PRR5L: variants seen among roughly 807,000 people sequenced by gnomAD.
PRR5L encodes proline rich 5 like, also known as proline-rich protein 5-like.
Under a neutral mutation model 36.4 loss-of-function variants are expected in PRR5L, and 21 were observed. The observed-to-expected ratio is 0.58, with a 90% CI of 0.41 to 0.83. The LOEUF (loss-of-function observed/expected upper bound fraction) is 0.83, where lower values mean the gene tolerates loss of function less well. PRR5L is among the 40% of genes least tolerant of loss of function. The pLI, the probability that PRR5L is intolerant of heterozygous loss-of-function variation, is 0.00. For missense variants in PRR5L, 381 were observed against 473.3 expected, an observed-to-expected ratio of 0.80 and a Z score of 1.81; for synonymous variants, 188 against 197.0, an observed-to-expected ratio of 0.95 and a Z score of 0.38.
At chr11:36,457,601 G>A (rs1157328346) in intron 8 of PRR5L, among the ~76,000 whole-genome samples, 5 of 80,334 alleles carry the variant, frequency 6.2e-5, no homozygotes, top group African/African-American at 9.6e-5. Context: ...GTGAGACTCC[G>A]TCTCAAAAAA....
At chr11:36,340,970 A>G (rs567016300) in intron 1 of PRR5L, among the ~76,000 whole-genome samples, 2 of 152,314 alleles carry the variant, frequency 1.3e-5, no homozygotes, top group Admixed American at 1.3e-4. Flanking sequence ...AGAGGGAATT[A>G]ATTAATTCTA....
At chr11:36,431,728 C>T (rs1466670517) in intron 4 of PRR5L, 125 bp from the exon 5 acceptor site, 104 of 808,882 alleles carry the variant, frequency 1.3e-4, no homozygotes, top group Non-Finnish European at 1.8e-5. Flanking sequence ...TTCTTAAACT[C>T]CGAGGCACGG....
chr11:36,376,253 T>C (rs1857256656), intron 1 of PRR5L: 2 of 1,179,792 alleles, frequency 1.7e-6, no homozygotes, highest in African/African-American at 1.6e-5. Flanking sequence ...TTGGGGGACA[T>C]TGGAGAGACA....
chr11:36,386,790 C>A (rs385986), intron 1 of PRR5L, among the ~76,000 whole-genome samples: 1 of 152,082 alleles, frequency 6.6e-6, no homozygotes, highest in Non-Finnish European at 1.5e-5. Flanking sequence ...AACCTACCTC[C>A]TTGGTTTAGA....
intron 1 of PRR5L, among the ~76,000 whole-genome samples, chr11:36,298,163 C>G (rs1421997949): frequency 6.6e-6 from 1 of 152,140 alleles, no homozygotes; most frequent in Non-Finnish European, 1.5e-5. Flanking sequence ...TTTGCTGGGA[C>G]TGCCATGACA....
chr11:36,393,005 T>G (rs1384120486), intron 1 of PRR5L, among the ~76,000 whole-genome samples: 1 of 152,240 alleles, frequency 6.6e-6, no homozygotes. Context: ...TCAGGTATTT[T>G]GGCCATTTTA....
intron 1 of PRR5L, chr11:36,376,586 C>T: frequency 1.0e-6 from 1 of 989,660 alleles, no homozygotes; most frequent in Non-Finnish European, 1.2e-6. Flanking sequence ...CATTTCTCTC[C>T]GGTGAGAAAA....
intron 1 of PRR5L, among the ~76,000 whole-genome samples, chr11:36,319,797 A>G (rs539607979): frequency 7.9e-5 from 12 of 152,084 alleles, no homozygotes; most frequent in Non-Finnish European, 1.0e-4. Flanking sequence ...ATCGATTCCA[A>G]ATTCCTTGGG....
intron 1 of PRR5L, among the ~76,000 whole-genome samples, chr11:36,350,926 A>G (rs1374991323): frequency 2.3e-5 from 1 of 42,728 alleles, no homozygotes; most frequent in African/African-American, 1.2e-4. Flanking sequence ...ATATTTATAT[A>G]TATTTATATA....
At chr11:36,302,655 C>A (rs762090207) in intron 1 of PRR5L, among the ~76,000 whole-genome samples, 8 of 152,090 alleles carry the variant, frequency 5.3e-5, no homozygotes, top group African/African-American at 7.2e-5. Flanking sequence ...GGCATGGTGG[C>A]GGGCACCTGT....
At chr11:36,307,035 T>C (rs1243838158) in intron 1 of PRR5L, among the ~76,000 whole-genome samples, 1 of 152,108 alleles carries the variant, frequency 6.6e-6, no homozygotes. Context: ...CCCTTCCCAT[T>C]GTGATGGTTT....
At chr11:36,429,245 TTC>T (rs1387344992) in intron 4 of PRR5L, among the ~76,000 whole-genome samples, 21 of 152,196 alleles carry the variant, frequency 1.4e-4, no homozygotes, top group Admixed American at 3.3e-4. Flanking sequence ...CTTTAAAATA[TTC>T]TGTCTTTTAT....
intron 5 of PRR5L, 87 bp downstream of exon 5, chr11:36,431,997 G>C: frequency 2.5e-6 from 3 of 1,191,002 alleles, no homozygotes; most frequent in South Asian, 1.2e-5. Flanking sequence ...GTCCAGAAGG[G>C]GCAGGCTCCA....
At chr11:36,337,672 C>T (rs12419407) in intron 1 of PRR5L, among the ~76,000 whole-genome samples, 7,350 of 152,270 alleles carry the variant, frequency 0.048, 201 homozygotes, top group African/African-American at 0.076. Context: ...CCTTCCTGCA[C>T]AGTTGCTGCC....
intron 3 of PRR5L, among the ~76,000 whole-genome samples, chr11:36,404,428 T>C (rs577829963): frequency 6.6e-6 from 1 of 152,112 alleles, no homozygotes; most frequent in African/African-American, 2.4e-5. Context: ...CCACCATGCC[T>C]GGCTAATTTT....
chr11:36,338,605 A>G (rs2133478263), intron 1 of PRR5L, among the ~76,000 whole-genome samples: 1 of 152,314 alleles, frequency 6.6e-6, no homozygotes, highest in East Asian at 1.9e-4. Flanking sequence ...CCCTGACGGC[A>G]GGATCCCCTT....
At chr11:36,398,015 G>A (rs548940446) in intron 1 of PRR5L, among the ~76,000 whole-genome samples, 31 of 152,112 alleles carry the variant, frequency 2.0e-4, no homozygotes, top group African/African-American at 7.0e-4. Flanking sequence ...GGCTGGTCTC[G>A]AACTCCTGAC....
intron 1 of PRR5L, among the ~76,000 whole-genome samples, chr11:36,307,999 T>C (rs1469267470): frequency 6.6e-6 from 1 of 152,212 alleles, no homozygotes; most frequent in African/African-American, 2.4e-5. Flanking sequence ...GTCACTTACC[T>C]ACTTGGGAAC....
In PRR5L at chr11:36,377,994, C is replaced by G. The variant is rs766157477; in HGVS notation, c.-125-23003C>G. Reference sequence around the variant, plus strand: ...GGCCCAATGTACTGCCTTCATCCCCCACCATCCTCAAGGGACCCTTGCTGA... The same window carrying G: ...GGCCCAATGTACTGCCTTCATCCCCGACCATCCTCAAGGGACCCTTGCTGA... On this transcript the variant is annotated intron_variant, in intron 1 of 8. Transcript: ENST00000530639. The surrounding 1 kb of genome is among the most constrained non-coding windows in gnomAD (Gnocchi z 5.1). Among the ~76,000 whole-genome samples, 1 of 152,204 alleles carries G rather than the reference C, an allele frequency of 6.6e-6. No homozygotes were observed. The highest frequency in any genetic ancestry group is 1.5e-5 in the Non-Finnish European group (1 of 68,042).
Sources: allele counts gnomAD v4.1 joint callset (sites outside exome capture counted in the v4.1 genomes callset), GRCh38; gene constraint gnomAD v4.1.1; non-coding constraint Gnocchi (gnomAD v3.1); transcripts MANE v1.5; gene names NCBI Gene and HGNC (gene_info 2026-07-23, HGNC 2026-07-21).